STXBP5L: variants seen among roughly 807,000 people sequenced by gnomAD.
STXBP5L encodes syntaxin-binding protein 5-like.
A neutral mutation model predicts 144.5 loss-of-function variants in STXBP5L; 65 were observed. That is an observed-to-expected ratio of 0.45 (90% CI 0.37 to 0.55). The LOEUF is 0.55. Among genes scored for constraint, STXBP5L ranks in the 20% least tolerant of loss-of-function variants. The probability of loss-of-function intolerance (pLI) is 0.00; values close to 1 mark genes in which losing one functional copy is unlikely to be tolerated. For synonymous variants in STXBP5L, 505 were observed against 469.6 expected (o/e 1.08, Z -0.97); for missense variants, 1,298 against 1,405.5 (o/e 0.92, Z 1.22).
chr3:120,965,476 G>C (rs2107764444), intron 3 of STXBP5L, among the ~76,000 whole-genome samples: 1 of 152,262 alleles, frequency 6.6e-6, no homozygotes, highest in South Asian at 2.1e-4. Context: ...GGCCTGGTGT[G>C]ACAAAATTTC....
At chr3:121,058,754 G>A (rs984959013) in intron 5 of STXBP5L, among the ~76,000 whole-genome samples, 1 of 152,232 alleles carries the variant, frequency 6.6e-6, no homozygotes, top group East Asian at 1.9e-4. Flanking sequence ...TCATATGTTT[G>A]TTGGCTACAT....
intron 2 of STXBP5L, among the ~76,000 whole-genome samples, chr3:120,937,268 TTCCC>T (rs1462332562): frequency 3.9e-5 from 6 of 152,214 alleles, no homozygotes; most frequent in Non-Finnish European, 7.3e-5. Context: ...TGACTCCTTT[TTCCC>T]TCCCTCTGCT....
intron 3 of STXBP5L, among the ~76,000 whole-genome samples, chr3:120,974,786 T>G (rs539165738): frequency 6.6e-6 from 1 of 152,296 alleles, no homozygotes; most frequent in Non-Finnish European, 1.5e-5. Context: ...CCAGCACCAT[T>G]TATTAAATAG....
intron 19 of STXBP5L, among the ~76,000 whole-genome samples, chr3:121,298,004 G>T (rs1266159000): frequency 1.3e-5 from 2 of 152,176 alleles, no homozygotes; most frequent in African/African-American, 4.8e-5. Context: ...CCAGAAGTAG[G>T]ATTGCTGGAT....
chr3:121,188,759 C>T (rs1483846569), intron 9 of STXBP5L, among the ~76,000 whole-genome samples: 1 of 152,160 alleles, frequency 6.6e-6, no homozygotes, highest in Non-Finnish European at 1.5e-5. Context: ...AATTCAACAA[C>T]CCTTCATGCT....
chr3:121,088,099 A>C (rs1469132028), intron 5 of STXBP5L, among the ~76,000 whole-genome samples: 1 of 151,934 alleles, frequency 6.6e-6, no homozygotes, highest in African/African-American at 2.4e-5. Context: ...ATGGGATCTA[A>C]TTAAACTAAA....
intron 2 of STXBP5L, among the ~76,000 whole-genome samples, chr3:120,931,679 A>C (rs1240637543): frequency 1.3e-5 from 2 of 152,194 alleles, no homozygotes; most frequent in African/African-American, 4.8e-5. Context: ...AAAATTTCTC[A>C]TTATTAGGCA....
intron 22 of STXBP5L, among the ~76,000 whole-genome samples, chr3:121,388,533 C>A (rs2046488040): frequency 1.3e-5 from 2 of 152,114 alleles, no homozygotes; most frequent in Non-Finnish European, 2.9e-5. Context: ...GTGGGTTTGT[C>A]ATAAATAGGT....
chr3:120,984,564 T>C (rs551946765), intron 3 of STXBP5L, among the ~76,000 whole-genome samples: 7 of 151,690 alleles, frequency 4.6e-5, no homozygotes, highest in Non-Finnish European at 7.4e-5. Flanking sequence ...TGTAAGATCA[T>C]ATTATCTGCA....
At position 121,006,677 on chromosome 3, in the gene STXBP5L, A is replaced by C. The variant is rs144764561; in HGVS notation, c.288-35023A>C. ...TCTTTACAATTTGGCATGTTTTTGC[A>C]GTGGCTGGTGCCAGTTTTTCCTTTC... is the stretch of plus-strand genomic sequence containing the variant. On this transcript the variant is annotated intron_variant, in intron 3 of 26. Coordinates refer to ENST00000471454, the MANE Select transcript of STXBP5L (RefSeq NM_001308330.2). 7.7e-4 allele frequency among the ~76,000 whole-genome samples: 118 copies of C among 152,302 alleles called. 1 individual carries two copies. In the East Asian group the frequency reaches 0.022, roughly 29 times the overall value.
At chr3:120,998,683 A>C (rs776953371) in intron 3 of STXBP5L, among the ~76,000 whole-genome samples, 5 of 152,156 alleles carry the variant, frequency 3.3e-5, no homozygotes, top group Non-Finnish European at 7.3e-5. Flanking sequence ...AAGATACAAA[A>C]ATTGATGTTC....
chr3:121,406,719 T>C (rs1010909915), intron 22 of STXBP5L, among the ~76,000 whole-genome samples: 2 of 152,066 alleles, frequency 1.3e-5, no homozygotes, highest in African/African-American at 4.8e-5. Context: ...AAATTTCTTC[T>C]TGTTTGATTT....
intron 20 of STXBP5L, among the ~76,000 whole-genome samples, chr3:121,374,868 A>G (rs757498601): frequency 1.3e-5 from 2 of 151,358 alleles, no homozygotes; most frequent in African/African-American, 2.4e-5. Context: ...AAGCAAACAA[A>G]TAATCAAATT....
intron 20 of STXBP5L, among the ~76,000 whole-genome samples, chr3:121,344,390 T>C (rs2044864423): frequency 6.6e-6 from 1 of 152,086 alleles, no homozygotes; most frequent in Non-Finnish European, 1.5e-5. Flanking sequence ...AAAGCCAAAA[T>C]TGACAAATGG....
chr3:121,225,725 G>A (rs915557455), intron 11 of STXBP5L, among the ~76,000 whole-genome samples: 1 of 152,198 alleles, frequency 6.6e-6, no homozygotes, highest in Non-Finnish European at 1.5e-5. Flanking sequence ...ACAAATCTTT[G>A]CCAATTGGGC....
At position 121,421,277 on chromosome 3, in the gene STXBP5L, C is replaced by T. The variant is rs1053816217; in HGVS notation, c.*2180C>T. 2 of 151,962 alleles carry T rather than the reference C, an allele frequency of 1.3e-5. No homozygotes were observed. The highest frequency in any genetic ancestry group is 2.9e-5 in the Non-Finnish European group (2 of 67,984). 9.4% of individuals were successfully genotyped at this position (151,962 alleles called of 1,614,324 possible). On this transcript the variant is annotated 3_prime_UTR_variant, in exon 27 of 27. Coordinates refer to ENST00000471454, the MANE Select transcript of STXBP5L (RefSeq NM_001308330.2). ...TGAAATTCAGTCCAAAGTAGCAGTACATTTGATGAGTATTTCTGAAGCCTT... is the reference window on the plus strand; with the variant it reads ...TGAAATTCAGTCCAAAGTAGCAGTATATTTGATGAGTATTTCTGAAGCCTT...
At chr3:121,359,361 T>G (rs1419095921) in intron 20 of STXBP5L, among the ~76,000 whole-genome samples, 2 of 152,168 alleles carry the variant, frequency 1.3e-5, no homozygotes, top group African/African-American at 4.8e-5. Flanking sequence ...TAGTAATTCC[T>G]TATCAGAGGG....
At chr3:120,942,125 T>A (rs569738808) in intron 2 of STXBP5L, among the ~76,000 whole-genome samples, 166 of 151,834 alleles carry the variant, frequency 1.1e-3, no homozygotes, top group Non-Finnish European at 1.3e-3. Flanking sequence ...TCGCTGTGTA[T>A]AAATAATTTT....
At chr3:121,108,240 C>G (rs2043809801) in intron 5 of STXBP5L, among the ~76,000 whole-genome samples, 2 of 152,158 alleles carry the variant, frequency 1.3e-5, no homozygotes, top group Non-Finnish European at 2.9e-5. Flanking sequence ...CCAGAACTCC[C>G]AATACTATGT....
Sources: allele counts gnomAD v4.1 joint callset (sites outside exome capture counted in the v4.1 genomes callset), GRCh38; gene constraint gnomAD v4.1.1; transcripts MANE v1.5; gene names NCBI Gene and HGNC (gene_info 2026-07-23, HGNC 2026-07-21).